CABCOCO1: variants seen among roughly 807,000 people sequenced by gnomAD.
The protein encoded by CABCOCO1 is ciliary-associated calcium-binding coiled-coil protein 1.
In CABCOCO1, 28 loss-of-function variants were observed where a neutral mutation model predicts 35.7. The ratio of observed to expected loss-of-function variants is 0.78; its 90% CI spans 0.58 to 1.07. The LOEUF (loss-of-function observed/expected upper bound fraction) is 1.07. CABCOCO1 is among the 50% of genes least tolerant of loss of function. CABCOCO1 has a pLI of 0.00. For synonymous variants in CABCOCO1, 95 were observed against 100.1 expected (o/e 0.95, Z 0.30); for missense variants, 326 against 309.2 (o/e 1.05, Z -0.41).
intron 5 of CABCOCO1, among the ~76,000 whole-genome samples, chr10:61,733,863 T>C (rs1327531949): frequency 6.6e-6 from 1 of 152,022 alleles, no homozygotes; most frequent in African/African-American, 2.4e-5. Context: ...GGAAGATAAA[T>C]TCTTCAGCTA....
At chr10:61,670,872 C>T (rs894330001) in intron 1 of CABCOCO1, among the ~76,000 whole-genome samples, 2 of 152,220 alleles carry the variant, frequency 1.3e-5, no homozygotes, top group South Asian at 2.1e-4. Flanking sequence ...CCTAAACCAA[C>T]GTCTGTAAAC....
intron 2 of CABCOCO1, among the ~76,000 whole-genome samples, chr10:61,676,448 A>G (rs1839515082): frequency 6.6e-6 from 1 of 152,226 alleles, no homozygotes; most frequent in South Asian, 2.1e-4. Context: ...ACATGAGAAA[A>G]AAAGTAATTG....
At chr10:61,685,939 C>G (rs1839944385) in intron 3 of CABCOCO1, 102 bp from the exon 4 acceptor site, 3 of 991,742 alleles carry the variant, frequency 3.0e-6, no homozygotes, top group East Asian at 2.9e-5. Context: ...CTCACAAATA[C>G]TTAACAAAGT....
intron 5 of CABCOCO1, among the ~76,000 whole-genome samples, chr10:61,714,594 T>C (rs1200954012): frequency 6.6e-6 from 1 of 152,222 alleles, no homozygotes; most frequent in African/African-American, 2.4e-5. Flanking sequence ...GTTATTTCAA[T>C]TGTGATGTTA....
chr10:61,701,572 G>A (rs967818118), intron 5 of CABCOCO1: 3 of 905,398 alleles, frequency 3.3e-6, no homozygotes, highest in Admixed American at 6.2e-5. Context: ...GGCAGGACTT[G>A]GGGGAATGAA....
At chr10:61,757,519 C>T (rs1322594748) in intron 5 of CABCOCO1, among the ~76,000 whole-genome samples, 1 of 151,934 alleles carries the variant, frequency 6.6e-6, no homozygotes, top group African/African-American at 2.4e-5. Flanking sequence ...AGTTTTTGTG[C>T]ACCAATTAAA....
chr10:61,680,534 A>G (rs1466693063), intron 2 of CABCOCO1, among the ~76,000 whole-genome samples: 27 of 56,728 alleles, frequency 4.8e-4, no homozygotes, highest in Admixed American at 1.3e-3. Flanking sequence ...TATATGTTAT[A>G]TTATGTTATA....
At chr10:61,692,109 A>C (rs552975744) in intron 5 of CABCOCO1, among the ~76,000 whole-genome samples, 92 of 152,266 alleles carry the variant, frequency 6.0e-4, no homozygotes, top group African/African-American at 2.0e-3. Flanking sequence ...CACTCCCACC[A>C]ACACTGTAAA....
intron 5 of CABCOCO1, among the ~76,000 whole-genome samples, chr10:61,710,347 T>C (rs1178837066): frequency 2.0e-5 from 3 of 151,764 alleles, no homozygotes; most frequent in South Asian, 4.1e-4. Flanking sequence ...ATAGCTTCTT[T>C]AGGGAGCTCT....
chr10:61,754,761 C>G (rs1317310566), intron 5 of CABCOCO1, among the ~76,000 whole-genome samples: 1 of 152,044 alleles, frequency 6.6e-6, no homozygotes, highest in African/African-American at 2.4e-5. Flanking sequence ...CATTTCCTGT[C>G]CTAACTTGTT....
At chr10:61,708,498 G>A (rs1840647945) in intron 5 of CABCOCO1, among the ~76,000 whole-genome samples, 1 of 152,068 alleles carries the variant, frequency 6.6e-6, no homozygotes, top group Admixed American at 6.6e-5. Context: ...CTAGAGACTG[G>A]TAAATCCAAG....
chr10:61,761,194 A>G (rs1464787415), intron 7 of CABCOCO1, among the ~76,000 whole-genome samples, 191 bp downstream of exon 7: 12 of 151,888 alleles, frequency 7.9e-5, no homozygotes, highest in Admixed American at 7.9e-4. Flanking sequence ...AGATTTTCCA[A>G]CAGCATCTAG....
At position 61,760,835 on chromosome 10, in the gene CABCOCO1, C is replaced by T. The variant is rs145707790; in HGVS notation, c.676-28C>T. 3,670 of 1,593,550 alleles carry T rather than the reference C, an allele frequency of 2.3e-3. 15 individuals carry two copies. The highest frequency in any genetic ancestry group is 0.011 in the Middle Eastern group (62 of 5,860). ...ATCACCGAATGCTCTAGAAATCACCCGAGTGCTATTTACTTTCAATATTCT... is the reference window on the plus strand; with the variant it reads ...ATCACCGAATGCTCTAGAAATCACCTGAGTGCTATTTACTTTCAATATTCT... On this transcript the variant is annotated intron_variant, in intron 6 of 7. Coordinates refer to ENST00000648843, the MANE Select transcript of CABCOCO1 (RefSeq NM_001366906.2).
At chr10:61,706,630 C>G (rs1840598454) in intron 5 of CABCOCO1, among the ~76,000 whole-genome samples, 1 of 152,068 alleles carries the variant, frequency 6.6e-6, no homozygotes, top group Admixed American at 6.6e-5. Context: ...TTTGCCTCTC[C>G]AGACCCCTTT....
chr10:61,715,776 G>C (rs1370860573), intron 5 of CABCOCO1, among the ~76,000 whole-genome samples: 2 of 152,212 alleles, frequency 1.3e-5, no homozygotes, highest in South Asian at 2.1e-4. Flanking sequence ...ATGAAGCTTA[G>C]TTTGGCTGGA....
intron 1 of CABCOCO1, among the ~76,000 whole-genome samples, chr10:61,672,075 C>T (rs920550622): frequency 6.6e-6 from 1 of 152,202 alleles, no homozygotes; most frequent in Admixed American, 6.5e-5. Context: ...TCCTAATTAT[C>T]CTATCTTCAT....
intron 5 of CABCOCO1, among the ~76,000 whole-genome samples, chr10:61,701,257 C>T (rs1271668397): frequency 6.6e-5 from 10 of 152,184 alleles, no homozygotes; most frequent in African/African-American, 2.2e-4. Flanking sequence ...TTTCCTTACT[C>T]AGCATTATTT....
At chr10:61,750,900 A>T (rs1216626968) in intron 5 of CABCOCO1, among the ~76,000 whole-genome samples, 1 of 152,208 alleles carries the variant, frequency 6.6e-6, no homozygotes, top group East Asian at 1.9e-4. Context: ...CCTTAAGATG[A>T]ATATGACGTG....
chr10:61,689,041 T>C (rs555378971), intron 4 of CABCOCO1, among the ~76,000 whole-genome samples: 1 of 152,240 alleles, frequency 6.6e-6, no homozygotes, highest in South Asian at 2.1e-4. Context: ...AATTCCTATA[T>C]GCAATTAAAA....
Sources: allele counts gnomAD v4.1 joint callset (sites outside exome capture counted in the v4.1 genomes callset), GRCh38; gene constraint gnomAD v4.1.1; transcripts MANE v1.5; gene names NCBI Gene and HGNC (gene_info 2026-07-23, HGNC 2026-07-21).